PTGS1: variants seen among roughly 807,000 people sequenced by gnomAD.
The protein encoded by PTGS1 is prostaglandin-endoperoxide synthase 1.
PTGS1 carries 40 observed loss-of-function variants against 63.0 expected under a neutral mutation model. That is an observed-to-expected ratio of 0.63 (90% CI 0.49 to 0.83). The LOEUF is 0.83. Ranked by LOEUF, PTGS1 falls within the 40% of genes least tolerant of loss-of-function variation. PTGS1 has a pLI of 0.00. For synonymous variants in PTGS1, 298 were observed against 301.9 expected, an observed-to-expected ratio of 0.99 and a Z score of 0.13; for missense variants, 709 against 786.5, an observed-to-expected ratio of 0.90 and a Z score of 1.18.
Position 122,381,534 on chromosome 9 carries a change from C to A in PTGS1, c.660C>A (p.Thr220=). ...KTSGKMGPGF[T]KALGHGVDLG... ...CTGGCAAGATGGGTCCTGGCTTCAC[C>A]AAGGCCTTGGGCCATGGGGTGAGTA... is the stretch of plus-strand genomic sequence containing the variant. Residue 220 remains threonine, a synonymous_variant, in exon 6 of 11, where the codon ACC becomes ACA. Transcript: ENST00000362012. 2 of 1,614,192 alleles carry A rather than the reference C, an allele frequency of 1.2e-6. No individual in the cohort carries two copies. The highest frequency in any genetic ancestry group is 1.7e-6 in the Non-Finnish European group (2 of 1,180,034).
In PTGS1 at chr9:122,381,359, C is replaced by A. The variant is rs201299797; in HGVS notation, c.497-12C>A. Reference sequence around the variant, plus strand: ...TAGGAGAAGCTACTGCTGTTTCCTACCCCCCAACCAGGGAAGAAGCAGTTG... The same window carrying A: ...TAGGAGAAGCTACTGCTGTTTCCTAACCCCCAACCAGGGAAGAAGCAGTTG... On this transcript the variant is annotated splice_polypyrimidine_tract_variant and intron_variant, in intron 5 of 10. Transcript: ENST00000362012. The A allele has an allele frequency of 3.0e-5, 48 of 1,612,370 alleles. 1 individual carries two copies. Among genetic ancestry groups the A allele is most frequent in the Admixed American group, 1.2e-4 (7 of 59,858 alleles).
At position 122,375,218 on chromosome 9, in the gene PTGS1, G is replaced by C. The variant is rs375661861; in HGVS notation, c.95-2681G>C. On this transcript the variant is annotated intron_variant, in intron 2 of 10. Coordinates refer to ENST00000362012, the MANE Select transcript of PTGS1 (RefSeq NM_000962.4). Reference sequence around the variant, plus strand: ...AAAGAACGTGGCGGGGGAGGCGGGAGGGGGGAAGCTGGATGGGCCGGACTG... The same window carrying C: ...AAAGAACGTGGCGGGGGAGGCGGGACGGGGGAAGCTGGATGGGCCGGACTG... 889 of 850,504 alleles carry C rather than the reference G, an allele frequency of 1.0e-3. 2 individuals carry two copies. The highest frequency in any genetic ancestry group is 1.5e-3 in the South Asian group (28 of 18,634). The allele number at this position is 850,504 out of a possible 1,614,324, so 52.7% of individuals were successfully genotyped here. A position where few individuals can be genotyped will look rare whatever the true frequency, so the allele number is the denominator to read the frequency against.
At chr9:122,378,657 G>A in intron 4 of PTGS1, 84 bp downstream of exon 4, 1 of 1,607,392 alleles carries the variant, frequency 6.2e-7, no homozygotes, top group Non-Finnish European at 8.5e-7. Flanking sequence ...GATAAGGGTA[G>A]TGGGTGGGGA....
intron 8 of PTGS1, 41 bp from the exon 9 acceptor site, chr9:122,386,405 C>T: frequency 6.3e-7 from 1 of 1,597,832 alleles, no homozygotes; most frequent in Non-Finnish European, 8.6e-7. Flanking sequence ...ATCTAAATCA[C>T]TGTGCTTGGC....
intron 7 of PTGS1, among the ~76,000 whole-genome samples, chr9:122,383,029 G>A (rs547925189): frequency 6.6e-6 from 1 of 152,270 alleles, no homozygotes; most frequent in East Asian, 1.9e-4. Context: ...AAAAATGGGA[G>A]CGTTTGCTGA....
At chr9:122,378,657 G>T (rs1770525218) in intron 4 of PTGS1, 84 bp downstream of exon 4, 1 of 1,607,274 alleles carries the variant, frequency 6.2e-7, no homozygotes, top group African/African-American at 1.3e-5. Context: ...GATAAGGGTA[G>T]TGGGTGGGGA....
At position 122,392,362 on chromosome 9, in the gene PTGS1, T is replaced by A. The variant is rs757880106; in HGVS notation, c.1618T>A (p.Ser540Thr). The stretch of plus-strand genomic sequence containing the variant: ...GGGTCTCCTAGGGAATCCCATCTGT[T>A]CTCCGGAGTACTGGAAGCCGAGCAC... ...LKGLLGNPIC[S>T]PEYWKPSTFG... Residue 540 changes from serine (S) to threonine (T), a missense_variant, in exon 11 of 11, where the codon TCT (serine) becomes ACT (threonine). By Grantham distance (58) the Ser-to-Thr change is moderately conservative. Transcript: ENST00000362012. 15 of 1,614,048 alleles carry A rather than the reference T, an allele frequency of 9.3e-6. No individual in the cohort carries two copies. Among genetic ancestry groups the A allele is most frequent in the Non-Finnish European group, 1.1e-5 (13 of 1,179,994 alleles).
chr9:122,375,460 A>G, intron 2 of PTGS1: 1 of 985,346 alleles, frequency 1.0e-6, no homozygotes, highest in Admixed American at 6.1e-5. Context: ...CAATCTCCTC[A>G]CTTCATTTTA....
Position 122,383,642 on chromosome 9 carries a change from T to C in PTGS1, c.896T>C (p.Leu299Pro). ...TTTGGGCTGCTTCCTGGGCTCATGC[T>C]GTATGCCACGCTCTGGCTACGTGAG... ...EVFGLLPGLMLYATLWLREHN... is the reference protein window; with the variant it reads ...EVFGLLPGLMPYATLWLREHN... Residue 299 changes from leucine (L) to proline (P), a missense_variant, in exon 8 of 11, where the codon CTG (leucine) becomes CCG (proline). Physicochemically the swap from Leu to Pro is moderately conservative, Grantham distance 98. Transcript: ENST00000362012. 1 of 1,614,174 alleles carries C rather than the reference T, an allele frequency of 6.2e-7. No homozygotes were observed.
chr9:122,384,630 C>T (rs942130605), intron 8 of PTGS1, among the ~76,000 whole-genome samples: 3 of 152,140 alleles, frequency 2.0e-5, no homozygotes, highest in Non-Finnish European at 2.9e-5. Flanking sequence ...TATGATTACC[C>T]TGTGAAAATC....
chr9:122,378,309 C>T lies in PTGS1; in HGVS notation c.212-124C>T. ...ATTGCTCCCAAGGTTCCATCCTTAC[C>T]CACTTCCCCATAGGTGCTACTCTGT... On this transcript the variant is annotated intron_variant, in intron 3 of 10. Coordinates refer to ENST00000362012, the MANE Select transcript of PTGS1 (RefSeq NM_000962.4). The T allele has an allele frequency of 3.7e-6, 5 of 1,354,228 alleles. No homozygotes were observed. In the South Asian group the frequency reaches 5.1e-5, roughly 14 times the overall value. 83.9% of individuals were successfully genotyped at this position (1,354,228 alleles called of 1,614,324 possible).
upstream of PTGS1, chr9:122,370,890 A>C (rs1836754016): frequency 1.1e-6 from 1 of 877,532 alleles, no homozygotes; most frequent in Non-Finnish European, 1.7e-6. Context: ...AGCGGCGAGC[A>C]TACACTAATT....
chr9:122,391,280 A>G (rs1276879168), intron 10 of PTGS1, among the ~76,000 whole-genome samples: 5 of 144,678 alleles, frequency 3.5e-5, no homozygotes, highest in African/African-American at 5.0e-5. Flanking sequence ...ATATATCAAT[A>G]TATACATATA....
chr9:122,383,376 G>A, intron 7 of PTGS1, 133 bp from the exon 8 acceptor site: 1 of 1,235,016 alleles, frequency 8.1e-7, no homozygotes. Context: ...GATTTTAAGA[G>A]ACATTTTGGA....
At position 122,371,228 on chromosome 9, in the gene PTGS1, C is replaced by T. The variant is rs3842787; in HGVS notation, c.50C>T (p.Pro17Leu). The T allele has an allele frequency of 0.067, 108,073 of 1,607,982 alleles. 4,287 individuals are homozygous for T. Among genetic ancestry groups the T allele is most frequent in the African/African-American group, 0.13 (10,056 of 75,062 alleles). Residue 17 changes from proline to leucine, a missense_variant, in exon 2 of 11, where the codon CCG becomes CTG. Coordinates refer to ENST00000362012, the MANE Select transcript of PTGS1 (RefSeq NM_000962.4). Reference protein sequence around the residue: ...LWFLLFLLLLPPLPVLLADPG... With the variant: ...LWFLLFLLLLLPLPVLLADPG... The stretch of plus-strand genomic sequence containing the variant: ...TTCTTGCTGTTCCTGCTCCTGCTCC[C>T]GCCGCTCCCCGTCCTGCTCGCGGAC...
upstream of PTGS1, chr9:122,370,850 C>A (rs969040081): frequency 9.2e-6 from 6 of 648,914 alleles, no homozygotes; most frequent in Non-Finnish European, 1.6e-5. Flanking sequence ...AACGTAAGTG[C>A]TTCAAGGATC....
At chr9:122,389,595 A>G (rs1838080489) in intron 9 of PTGS1, among the ~76,000 whole-genome samples, 1 of 152,106 alleles carries the variant, frequency 6.6e-6, no homozygotes, top group Non-Finnish European at 1.5e-5. Flanking sequence ...CTCTTGGTGT[A>G]ATTCAACGGT....
chr9:122,378,097 T>A, intron 3 of PTGS1, 82 bp downstream of exon 3: 1 of 1,267,552 alleles, frequency 7.9e-7, no homozygotes, highest in Non-Finnish European at 1.1e-6. Flanking sequence ...CCTAACTTCC[T>A]ACCCTCCTCT....
chr9:122,372,509 C>A (rs1836864078), intron 2 of PTGS1: 1 of 152,208 alleles, frequency 6.6e-6, no homozygotes, highest in African/African-American at 2.4e-5. Flanking sequence ...ATGCGTTAGA[C>A]CCAGTCTACA....
Sources: allele counts gnomAD v4.1 joint callset (sites outside exome capture counted in the v4.1 genomes callset), GRCh38; gene constraint gnomAD v4.1.1; transcripts MANE v1.5; gene names NCBI Gene and HGNC (gene_info 2026-07-23, HGNC 2026-07-21).